Variants in GSK3B observed in about 807,000 individuals in gnomAD.
GSK3B encodes glycogen synthase kinase 3 beta, also known as glycogen synthase kinase-3 beta.
GSK3B carries 15 observed loss-of-function variants against 56.4 expected under a neutral mutation model. The observed-to-expected ratio is 0.27, with a 90% CI of 0.18 to 0.41. The LOEUF is 0.41. GSK3B is among the 10% of genes least tolerant of loss of function. GSK3B has a pLI of 1.00. For synonymous variants in GSK3B, 181 were observed against 188.9 expected, an observed-to-expected ratio of 0.96 and a Z score of 0.34; for missense variants, 300 against 513.4, an observed-to-expected ratio of 0.58 and a Z score of 4.02.
chr3:119,828,146 A>G (rs2055544437), intron 10 of GSK3B, among the ~76,000 whole-genome samples: 1 of 152,214 alleles, frequency 6.6e-6, no homozygotes, highest in Non-Finnish European at 1.5e-5. Context: ...TCTTGTAGTC[A>G]AATCTTGACG....
chr3:120,043,177 G>A (rs148246155), intron 1 of GSK3B, among the ~76,000 whole-genome samples: 27 of 152,102 alleles, frequency 1.8e-4, no homozygotes, highest in Middle Eastern at 3.4e-3. Context: ...CCTTACCTGC[G>A]GCTTCTAACC....
chr3:119,859,459 A>G (rs1225333599), intron 9 of GSK3B, among the ~76,000 whole-genome samples: 2 of 152,228 alleles, frequency 1.3e-5, no homozygotes, highest in African/African-American at 2.4e-5. Context: ...AATTAATTAC[A>G]ATAGATTTTA....
At chr3:120,026,978 G>A (rs1324312309) in intron 1 of GSK3B, among the ~76,000 whole-genome samples, 2 of 151,548 alleles carry the variant, frequency 1.3e-5, no homozygotes, top group Non-Finnish European at 2.9e-5. Flanking sequence ...GGCTGAGGCA[G>A]GAGAATCACT....
chr3:120,028,947 T>A, intron 1 of GSK3B: 1 of 560,394 alleles, frequency 1.8e-6, no homozygotes, highest in South Asian at 2.0e-5. Flanking sequence ...GCACAAGTGG[T>A]GAAGCATACA....
At chr3:120,054,364 T>C (rs772641693) in intron 1 of GSK3B, among the ~76,000 whole-genome samples, 1 of 152,148 alleles carries the variant, frequency 6.6e-6, no homozygotes, top group Non-Finnish European at 1.5e-5. Context: ...CTCACCTCTA[T>C]ATCCTCCACT....
chr3:120,065,958 G>C (rs1013975800), intron 1 of GSK3B, among the ~76,000 whole-genome samples: 2 of 152,156 alleles, frequency 1.3e-5, no homozygotes, highest in African/African-American at 4.8e-5. Context: ...AGGGGGAAAT[G>C]GGGAGTGACT....
At chr3:119,847,236 A>G (rs28481299) in intron 9 of GSK3B, among the ~76,000 whole-genome samples, 2,765 of 152,210 alleles carry the variant, frequency 0.018, 92 homozygotes, top group African/African-American at 0.063. Context: ...ATGTATACCT[A>G]TGTAACAAAC....
intron 7 of GSK3B, among the ~76,000 whole-genome samples, chr3:119,877,240 T>G (rs1431568747): frequency 1.3e-5 from 2 of 152,276 alleles, no homozygotes; most frequent in Non-Finnish European, 2.9e-5. Flanking sequence ...CTTCACTTAG[T>G]TCAGTATAGC....
intron 8 of GSK3B, among the ~76,000 whole-genome samples, chr3:119,865,450 ATATATATATATATATATTTTTTT>A (rs1165244243): frequency 5.1e-4 from 9 of 17,610 alleles, no homozygotes; most frequent in Admixed American, 3.1e-3. Context: ...ATATATATAT[ATATATATATATATATATTTTTTT>A]TTTTTTTTTT....
chr3:119,849,918 C>T (rs80115117), intron 9 of GSK3B, among the ~76,000 whole-genome samples: 3,930 of 152,048 alleles, frequency 0.026, 172 homozygotes, highest in African/African-American at 0.089. Flanking sequence ...TGGGTTCACG[C>T]GATTCTCGTG....
At chr3:119,985,098 T>A (rs568019406) in intron 2 of GSK3B, among the ~76,000 whole-genome samples, 2 of 152,278 alleles carry the variant, frequency 1.3e-5, no homozygotes, top group South Asian at 4.1e-4. Flanking sequence ...ACCACATGAT[T>A]ATCTCAATAG....
At chr3:119,919,572 GGGGAGAAAGA>G (rs1378869956) in intron 4 of GSK3B, among the ~76,000 whole-genome samples, 1 of 151,358 alleles carries the variant, frequency 6.6e-6, no homozygotes, top group Admixed American at 6.6e-5. Flanking sequence ...TTCCCACAAG[GGGGAGAAAGA>G]AAGGAGTGCT....
chr3:119,937,334 C>G (rs995305314), intron 3 of GSK3B, among the ~76,000 whole-genome samples: 1 of 151,986 alleles, frequency 6.6e-6, no homozygotes, highest in Non-Finnish European at 1.5e-5. Flanking sequence ...CTATGAGTTC[C>G]CTCCCACTAC....
At chr3:120,059,429 T>A (rs1423384358) in intron 1 of GSK3B, among the ~76,000 whole-genome samples, 1 of 152,160 alleles carries the variant, frequency 6.6e-6, no homozygotes, top group Non-Finnish European at 1.5e-5. Flanking sequence ...TAATAATGAA[T>A]CTCATTATCA....
chr3:119,840,481 C>T (rs902812279), intron 10 of GSK3B, among the ~76,000 whole-genome samples: 1 of 152,142 alleles, frequency 6.6e-6, no homozygotes, highest in African/African-American at 2.4e-5. Context: ...GTCTCAGCCT[C>T]CCAAAGTGCT....
In GSK3B at chr3:119,923,392, A is replaced by G. The variant is rs766207294; in HGVS notation, c.458T>C (p.Leu153Pro). ...ARHYSRAKQTLPVIYVKLYMY... is the reference protein window; with the variant it reads ...ARHYSRAKQTPPVIYVKLYMY... ...ACATACCTTGACATAAATCACAGGGAGCGTCTGTTTGGCTCGACTATAGTG... is the reference window on the plus strand; with the variant it reads ...ACATACCTTGACATAAATCACAGGGGGCGTCTGTTTGGCTCGACTATAGTG... The change falls in exon 4 of 11, where the codon CTC becomes CCC. Residue 153 changes from leucine to proline, a missense_variant. Around this residue, in one of 6 missense-constraint regions of GSK3B, gnomAD observed 62 missense variants for 84.0 expected, o/e 0.74. Transcript: ENST00000264235. 4 of 1,569,496 alleles carry G rather than the reference A, an allele frequency of 2.5e-6. No individual in the cohort carries two copies. The East Asian group carries it at 6.7e-5, about 26-fold the overall frequency.
At chr3:119,849,603 T>C (rs915318054) in intron 9 of GSK3B, among the ~76,000 whole-genome samples, 16 of 152,296 alleles carry the variant, frequency 1.1e-4, no homozygotes, top group African/African-American at 3.6e-4. Context: ...TATCCTTCTG[T>C]GTATCTGAAT....
At chr3:119,890,421 T>C (rs1163279611) in intron 7 of GSK3B, among the ~76,000 whole-genome samples, 1 of 152,068 alleles carries the variant, frequency 6.6e-6, no homozygotes, top group African/African-American at 2.4e-5. Flanking sequence ...AATTCTAGAA[T>C]AGGCATCTGT....
chr3:120,029,036 C>CT (rs2057953603), intron 1 of GSK3B: 1 of 661,794 alleles, frequency 1.5e-6, no homozygotes. Context: ...CTCATAAAAT[C>CT]TTTATTTTTT....
Sources: allele counts gnomAD v4.1 joint callset (sites outside exome capture counted in the v4.1 genomes callset), GRCh38; gene constraint gnomAD v4.1.1; regional missense constraint gnomAD v4.1.1; transcripts MANE v1.5; gene names NCBI Gene and HGNC (gene_info 2026-07-23, HGNC 2026-07-21).